The following MEIOSIN variants were observed in gnomAD, a reference collection of about 807,000 sequenced individuals.
MEIOSIN encodes the protein meiosis initiator protein.
In MEIOSIN, 18 loss-of-function variants were observed where a neutral mutation model predicts 23.4. That is an observed-to-expected ratio of 0.77 (90% CI 0.53 to 1.14). The LOEUF is 1.14. MEIOSIN is among the 50% of genes most tolerant of loss of function. The pLI, the probability that MEIOSIN is intolerant of heterozygous loss-of-function variation, is 0.00. For missense variants in MEIOSIN, 428 were observed against 242.9 expected (o/e 1.76, Z -5.07); for synonymous variants, 187 against 100.6 (o/e 1.86, Z -5.14).
At position 45,761,672 on chromosome 19, in the gene MEIOSIN, G is replaced by T. The variant is rs1462077157; in HGVS notation, c.1246-7G>T. On this transcript the variant is annotated splice_region_variant and splice_polypyrimidine_tract_variant and intron_variant, in intron 11 of 14. Transcript: ENST00000457052. ...CCCTCCCATCTTTCTCCCTCATCAT[G>T]CCCCAGGACACAGCCTCCAAGGCCC... 2.9e-6 allele frequency: 2 copies of T among 701,462 alleles called. No homozygotes were observed. The highest frequency in any genetic ancestry group is 5.2e-6 in the Non-Finnish European group (2 of 384,266). The allele number at this position is 701,462 out of a possible 1,614,324, so 43.5% of individuals were successfully genotyped here. A position where few individuals can be genotyped will look rare whatever the true frequency, so the allele number is the denominator to read the frequency against.
chr19:45,752,007 A>C (rs1264339539), intron 5 of MEIOSIN, among the ~76,000 whole-genome samples: 2 of 141,222 alleles, frequency 1.4e-5, no homozygotes, highest in Non-Finnish European at 3.0e-5. Context: ...TGCTGGGATT[A>C]CAGCTGTGAG....
rs1025774687 is a variant in MEIOSIN at position 45,764,428 on chromosome 19, C to G, written c.*310C>G. On this transcript the variant is annotated 3_prime_UTR_variant, in exon 15 of 15. Coordinates refer to ENST00000457052, the MANE Select transcript of MEIOSIN (RefSeq NM_001310124.2). ...TTCCCTTCCCCACCCCAGAGCCACT[C>G]GGTTGCAACCCTGTTCATGCTCACC... 6 of 302,060 alleles carry G rather than the reference C, an allele frequency of 2.0e-5. No homozygotes were observed. Among genetic ancestry groups the G allele is most frequent in the African/African-American group, 1.3e-4 (6 of 46,432 alleles). 18.7% of individuals were successfully genotyped at this position (302,060 alleles called of 1,614,324 possible).
intron 4 of MEIOSIN, among the ~76,000 whole-genome samples, chr19:45,748,152 A>G (rs1286011775): frequency 6.6e-6 from 1 of 150,798 alleles, no homozygotes; most frequent in Non-Finnish European, 1.5e-5. Flanking sequence ...ATCTCGGCTC[A>G]CTGCAAGCTC....
In MEIOSIN at chr19:45,757,581, C is replaced by T. The variant is rs553207453; in HGVS notation, c.1012+304C>T. ...TGTCGTCCAAGCTGGAGTACAGTGG[C>T]GCAGTCTCAGCTCACTTCAACCTCT... On this transcript the variant is annotated intron_variant, in intron 9 of 14. Coordinates refer to ENST00000457052, the MANE Select transcript of MEIOSIN (RefSeq NM_001310124.2). Among the ~76,000 whole-genome samples, 4 of 152,288 alleles carry T rather than the reference C, an allele frequency of 2.6e-5. No individual in the cohort carries two copies. The South Asian group carries it at 8.3e-4, about 32-fold the overall frequency.
chr19:45,743,495 C>T (rs1005951295), intron 3 of MEIOSIN, among the ~76,000 whole-genome samples: 1 of 152,068 alleles, frequency 6.6e-6, no homozygotes, highest in Non-Finnish European at 1.5e-5. Flanking sequence ...TCGTTTCTAC[C>T]AGGAGGTAAC....
At chr19:45,743,542 G>A (rs1278893772) in intron 3 of MEIOSIN, among the ~76,000 whole-genome samples, 1 of 151,916 alleles carries the variant, frequency 6.6e-6, no homozygotes, top group East Asian at 1.9e-4. Context: ...CTTTTTTTGA[G>A]ACAGAGTTTT....
Position 45,753,066 on chromosome 19 carries a change from G to A in MEIOSIN, c.419-585G>A, listed in dbSNP as rs375736459. Among the ~76,000 whole-genome samples the A allele has an allele frequency of 7.1e-4, 108 of 152,066 alleles. 3 individuals are homozygous for A. The highest frequency in any genetic ancestry group is 2.5e-3 in the African/African-American group (102 of 41,472). On this transcript the variant is annotated intron_variant, in intron 5 of 14. Coordinates refer to ENST00000457052, the MANE Select transcript of MEIOSIN (RefSeq NM_001310124.2). ...AGCCTCCCAAGTAACTGGGATTACA[G>A]GCACCCGCCACCACACCCAGCTAAT...
intron 5 of MEIOSIN, among the ~76,000 whole-genome samples, chr19:45,752,546 T>A (rs1968734086): frequency 6.6e-6 from 1 of 151,910 alleles, no homozygotes; most frequent in African/African-American, 2.4e-5. Context: ...AGAGACAGAG[T>A]CTCACTGTGT....
chr19:45,746,155 C>T (rs547102017), intron 4 of MEIOSIN, among the ~76,000 whole-genome samples: 1 of 151,914 alleles, frequency 6.6e-6, no homozygotes, highest in South Asian at 2.1e-4. Flanking sequence ...TTGGTAGAGA[C>T]GAGGTTTTAC....
At chr19:45,753,516 C>T (rs1434406416) in intron 5 of MEIOSIN, 135 bp from the exon 6 acceptor site, 2 of 583,576 alleles carry the variant, frequency 3.4e-6, no homozygotes, top group Non-Finnish European at 6.1e-6. Flanking sequence ...GATAAGCCCT[C>T]AGTTTCCACA....
Position 45,745,300 on chromosome 19 carries a change from G to A in MEIOSIN, c.285G>A (p.Thr95=), listed in dbSNP as rs1341990506. The change falls in exon 4 of 15, where the codon ACG becomes ACA. Residue 95 remains threonine (T), a synonymous_variant. Transcript: ENST00000457052. The stretch of plus-strand genomic sequence containing the variant: ...TGCTGCTGCCCATAGCCCTGAAGAC[G>A]GGGACCAAGAAGCTCACAAAGGTAC... ...LALLLPIALK[T]GTKKLTKKEI... 11 of 702,844 alleles carry A rather than the reference G, an allele frequency of 1.6e-5. No individual in the cohort carries two copies. The highest frequency in any genetic ancestry group is 3.5e-5 in the African/African-American group (2 of 57,226). 43.5% of individuals were successfully genotyped at this position (702,844 alleles called of 1,614,324 possible).
intron 4 of MEIOSIN, among the ~76,000 whole-genome samples, chr19:45,748,364 G>A (rs1317543933): frequency 6.6e-6 from 1 of 152,222 alleles, no homozygotes; most frequent in Non-Finnish European, 1.5e-5. Context: ...ACAGGCGTGA[G>A]CCACCGCGCC....
intron 4 of MEIOSIN, among the ~76,000 whole-genome samples, chr19:45,748,108 C>T (rs1417765855): frequency 6.6e-6 from 1 of 151,460 alleles, no homozygotes; most frequent in African/African-American, 2.4e-5. Flanking sequence ...GACGGAGTCC[C>T]GCTCTGTACC....
In MEIOSIN at chr19:45,764,195, G is replaced by T. The variant is rs16980013; in HGVS notation, c.*77G>T. The T allele has an allele frequency of 0.26, 104,427 of 398,250 alleles. 15,116 individuals are homozygous for T. The highest frequency in any genetic ancestry group is 0.39 in the Admixed American group (8,893 of 22,728). The allele number at this position is 398,250 out of a possible 1,614,324, so 24.7% of individuals were successfully genotyped here. On this transcript the variant is annotated 3_prime_UTR_variant, in exon 15 of 15. Coordinates refer to ENST00000457052, the MANE Select transcript of MEIOSIN (RefSeq NM_001310124.2). ...TTGCTGGAAGCCAGGACCCATCGATGAACTTGTCCCTCCTGGGCCTCCAGC... is the reference window on the plus strand; with the variant it reads ...TTGCTGGAAGCCAGGACCCATCGATTAACTTGTCCCTCCTGGGCCTCCAGC...
intron 5 of MEIOSIN, among the ~76,000 whole-genome samples, chr19:45,751,523 GTTTTGTT>G (rs1200531104): frequency 1.3e-5 from 2 of 151,178 alleles, no homozygotes; most frequent in Non-Finnish European, 2.9e-5. Flanking sequence ...TTTTTGTTTT[GTTTTGTT>G]TTTTGTTTTT....
chr19:45,752,577 C>T (rs1968734503), intron 5 of MEIOSIN, among the ~76,000 whole-genome samples: 1 of 151,738 alleles, frequency 6.6e-6, no homozygotes, highest in African/African-American at 2.4e-5. Context: ...GGTCTTAAAC[C>T]CCTGGGCTTA....
At chr19:45,734,402 G>A (rs182464811) in intron 1 of MEIOSIN, among the ~76,000 whole-genome samples, 24 of 152,274 alleles carry the variant, frequency 1.6e-4, no homozygotes, top group Admixed American at 3.9e-4. Flanking sequence ...CTTGCAGTCT[G>A]TAATCTTAGT....
intron 3 of MEIOSIN, 148 bp downstream of exon 3, chr19:45,739,878 G>C: frequency 1.7e-6 from 1 of 599,608 alleles, no homozygotes; most frequent in Non-Finnish European, 3.0e-6. Context: ...ACAGAGCTTT[G>C]CTCTTGTTGC....
At chr19:45,751,770 G>T (rs919991842) in intron 5 of MEIOSIN, among the ~76,000 whole-genome samples, 1 of 147,942 alleles carries the variant, frequency 6.8e-6, no homozygotes, top group Non-Finnish European at 1.5e-5. Context: ...AGCTCTTGTT[G>T]CGCAGGCTGG....
Sources: gnomAD v4.1 joint callset for allele counts (sites outside exome capture counted in the v4.1 genomes callset) on GRCh38, gnomAD v4.1.1 for gene constraint, MANE v1.5 for transcripts, NCBI Gene and HGNC (gene_info 2026-07-23, HGNC 2026-07-21) for gene names.